The following CDON variants were observed in gnomAD, a reference collection of about 807,000 sequenced individuals.
CDON encodes the protein cell adhesion molecule-related/down-regulated by oncogenes.
CDON carries 73 observed loss-of-function variants against 120.9 expected under a neutral mutation model. The observed-to-expected ratio is 0.60, with a 90% confidence interval of 0.50 to 0.73. CDON has a LOEUF of 0.73. Among genes scored for constraint, CDON ranks in the 30% least tolerant of loss-of-function variants. The probability of loss-of-function intolerance (pLI) is 0.00; values close to 1 mark genes in which losing one functional copy is unlikely to be tolerated. For missense variants in CDON, 1,470 were observed against 1,587.3 expected, an observed-to-expected ratio of 0.93 and a Z score of 1.26; for synonymous variants, 566 against 573.5, an observed-to-expected ratio of 0.99 and a Z score of 0.19.
At position 125,957,500 on chromosome 11, in the gene CDON, A is replaced by T. The variant is rs911727642; in HGVS notation, c.*3442T>A. 1 of 152,190 alleles carries T rather than the reference A, an allele frequency of 6.6e-6. No homozygotes were observed. Among genetic ancestry groups the T allele is most frequent in the African/African-American group, 2.4e-5 (1 of 41,450 alleles). The allele number at this position is 152,190 out of a possible 1,614,324, so 9.4% of individuals were successfully genotyped here. ...TATAAAATCATATCAACCAAATAAAACCTGCCAAAGCTACATCATTTAAAA... is the reference window on the plus strand; with the variant it reads ...TATAAAATCATATCAACCAAATAAATCCTGCCAAAGCTACATCATTTAAAA... On this transcript the variant is annotated 3_prime_UTR_variant, in exon 20 of 20. Transcript: ENST00000531738.
rs180922585 is a variant in CDON at position 126,008,820 on chromosome 11, T to C, written c.1552+1521A>G. On this transcript the variant is annotated intron_variant, in intron 8 of 19. Coordinates refer to ENST00000531738, the MANE Select transcript of CDON (RefSeq NM_001378964.1). ...TGTAACACTGAACTACTTTCTTCAT[T>C]TAAGGATTCTTAATGTTTCTAAAAT... Among the ~76,000 whole-genome samples the C allele has an allele frequency of 2.0e-3, 311 of 152,346 alleles. 1 individual carries two copies. The highest frequency in any genetic ancestry group is 7.3e-3 in the African/African-American group (304 of 41,584).
chr11:126,000,617 T>TTTTG (rs10668185), intron 11 of CDON, among the ~76,000 whole-genome samples: 51,867 of 151,992 alleles, frequency 0.34, 9,105 homozygotes, highest in African/African-American at 0.38. Context: ...ATGGTAAGGT[T>TTTTG]TTTTTCAGAC....
At position 126,015,439 on chromosome 11, in the gene CDON, C is replaced by G. The variant is rs571859031; in HGVS notation, c.1000G>C (p.Asp334His). ...TTGGGGGCTGGGTTCCCATGAACGT[C>G]GCAGGTAAAGTGTACTGTGGCACCC... ...SLGATVHFTC[D>H]VHGNPAPNCT... Residue 334 changes from aspartate (D) to histidine (H), a missense_variant, in exon 7 of 20, where the codon GAC becomes CAC. Coordinates refer to ENST00000531738, the MANE Select transcript of CDON (RefSeq NM_001378964.1). 4 of 1,614,054 alleles carry G rather than the reference C, an allele frequency of 2.5e-6. No homozygotes were observed. The highest frequency in any genetic ancestry group is 1.1e-5 in the South Asian group (1 of 91,082).
chr11:125,990,332 C>T (rs971637097), intron 14 of CDON, among the ~76,000 whole-genome samples: 16 of 152,204 alleles, frequency 1.1e-4, no homozygotes, highest in African/African-American at 3.4e-4. Flanking sequence ...AAACTCTTGG[C>T]CACCACCCCC....
At position 125,981,256 on chromosome 11, in the gene CDON, TGA is replaced by T; in HGVS notation, c.3067_3068del (p.Ser1023ArgfsTer29). Reference protein sequence around the residue: ...NGQMVDYTTLSGASQINGNVH... With the variant: ...NGQMVDYTTLXGASQINGNVH... The stretch of plus-strand genomic sequence containing the variant: ...CATTTCCATTTATCTGACTTGCTCC[TGA>T]GAGAGTGGTGTAGTCCACCATCTGC... On this transcript the variant is annotated frameshift_variant, in exon 17 of 20. Coordinates refer to ENST00000531738, the MANE Select transcript of CDON (RefSeq NM_001378964.1). LOFTEE classifies it high-confidence loss of function. 1 of 1,614,178 alleles carries T rather than the reference TGA, an allele frequency of 6.2e-7. No individual in the cohort carries two copies. The highest frequency in any genetic ancestry group is 8.5e-7 in the Non-Finnish European group (1 of 1,180,006).
In CDON at chr11:126,021,395, A is replaced by G. The variant is rs373096471; in HGVS notation, c.202T>C (p.Leu68=). The change falls in exon 3 of 20, where the codon TTG becomes CTG. Residue 68 remains leucine (L), a synonymous_variant. Coordinates refer to ENST00000531738, the MANE Select transcript of CDON (RefSeq NM_001378964.1). ...TTAACATGTTCCAGGTTTCCATCCA[A>G]TGTTTTTCCGTTATGCAGCCATGAG... The part of the protein sequence containing the change: ...RISWLHNGKT[L]DGNLEHVKIH... 4.2e-5 allele frequency: 67 copies of G among 1,614,128 alleles called. No homozygotes were observed. In the African/African-American group the frequency reaches 7.1e-4, roughly 17 times the overall value.
chr11:126,055,306 A>G (rs1378767687), intron 1 of CDON, among the ~76,000 whole-genome samples: 1 of 152,178 alleles, frequency 6.6e-6, no homozygotes, highest in Non-Finnish European at 1.5e-5. Context: ...AGAGATAAAG[A>G]AGGCCCACTT....
intron 11 of CDON, among the ~76,000 whole-genome samples, chr11:126,000,117 C>T (rs904743809): frequency 6.6e-6 from 1 of 152,168 alleles, no homozygotes; most frequent in African/African-American, 2.4e-5. Flanking sequence ...GGTATAATCT[C>T]GAGCATAAGC....
At chr11:126,030,588 C>T (rs12361155) in intron 1 of CDON, among the ~76,000 whole-genome samples, 279 of 152,090 alleles carry the variant, frequency 1.8e-3, no homozygotes, top group Non-Finnish European at 2.8e-3. Flanking sequence ...TGGTAATTTC[C>T]TTTTTTAAAA....
At chr11:125,973,026 T>TTTTTTTTTTTTTC (rs1946049406) in intron 18 of CDON, among the ~76,000 whole-genome samples, 1 of 141,656 alleles carries the variant, frequency 7.1e-6, no homozygotes, top group African/African-American at 2.8e-5. Context: ...GTCTTTTTTT[T>TTTTTTTTTTTTTC]TTTTTTTTTT....
At chr11:126,017,834 G>A (rs1013841418) in intron 5 of CDON, among the ~76,000 whole-genome samples, 20 of 151,718 alleles carry the variant, frequency 1.3e-4, no homozygotes, top group African/African-American at 3.4e-4. Flanking sequence ...TGTCACCTTG[G>A]CCAAAATTCC....
At chr11:126,030,577 A>T (rs1947917357) in intron 1 of CDON, among the ~76,000 whole-genome samples, 1 of 152,238 alleles carries the variant, frequency 6.6e-6, no homozygotes, top group South Asian at 2.1e-4. Context: ...TGTATGAAAC[A>T]TGGTAATTTC....
rs577268026 is a variant in CDON at position 126,012,463 on chromosome 11, G to A, written c.1199-1769C>T. On this transcript the variant is annotated intron_variant, in intron 7 of 19. Coordinates refer to ENST00000531738, the MANE Select transcript of CDON (RefSeq NM_001378964.1). The stretch of plus-strand genomic sequence containing the variant: ...GTCGCCCAGGCCGGAGTGCAGTAGT[G>A]CGATCTCAGCTCACTGCAACCTCCA... Among the ~76,000 whole-genome samples the A allele has an allele frequency of 1.4e-4, 21 of 151,750 alleles. No homozygotes were observed. The South Asian group carries it at 2.3e-3, about 17-fold the overall frequency.
intron 1 of CDON, among the ~76,000 whole-genome samples, chr11:126,055,121 GA>G (rs1175985558): frequency 6.6e-6 from 1 of 152,182 alleles, no homozygotes; most frequent in Admixed American, 6.5e-5. Context: ...CAAAATGTAA[GA>G]AAAATCAATG....
chr11:126,034,467 T>C lies in CDON; in HGVS notation c.-61-10930A>G, dbSNP rs755171157. Among the ~76,000 whole-genome samples, 9 of 152,084 alleles carry C rather than the reference T, an allele frequency of 5.9e-5. No individual in the cohort carries two copies. Among genetic ancestry groups the C allele is most frequent in the Non-Finnish European group, 1.2e-4 (8 of 68,016 alleles). ...GGCTGCCAGCTGCAACAGGAATCAA[T>C]GTGGTCCTAATTACACCAAAGGAGA... On this transcript the variant is annotated intron_variant, in intron 1 of 19. Coordinates refer to ENST00000531738, the MANE Select transcript of CDON (RefSeq NM_001378964.1). The surrounding 1 kb of genome is among the most constrained non-coding windows in gnomAD (Gnocchi z 4.5).
At chr11:125,970,746 G>A (rs1945958275) in intron 18 of CDON, among the ~76,000 whole-genome samples, 1 of 152,146 alleles carries the variant, frequency 6.6e-6, no homozygotes, top group East Asian at 1.9e-4. Flanking sequence ...GACAACAAAT[G>A]ACTGAGTGTA....
At chr11:126,042,782 C>G (rs573510072) in intron 1 of CDON, among the ~76,000 whole-genome samples, 5 of 152,244 alleles carry the variant, frequency 3.3e-5, no homozygotes, top group African/African-American at 9.6e-5. Context: ...CTGCCATGCT[C>G]GGCTTCTTTT....
intron 1 of CDON, among the ~76,000 whole-genome samples, chr11:126,024,639 A>G (rs1947738668): frequency 6.6e-6 from 1 of 152,242 alleles, no homozygotes; most frequent in Non-Finnish European, 1.5e-5. Flanking sequence ...TCTATTAGAC[A>G]TCCAACTACT....
intron 1 of CDON, among the ~76,000 whole-genome samples, chr11:126,053,780 G>A (rs1424424945): frequency 2.0e-5 from 3 of 148,656 alleles, no homozygotes; most frequent in African/African-American, 7.8e-5. Flanking sequence ...AACAGGAGAG[G>A]GACAGTGAGA....
Sources: allele counts gnomAD v4.1 joint callset (sites outside exome capture counted in the v4.1 genomes callset), GRCh38; gene constraint gnomAD v4.1.1; non-coding constraint Gnocchi (gnomAD v3.1); transcripts MANE v1.5; gene names NCBI Gene and HGNC (gene_info 2026-07-23, HGNC 2026-07-21).